Variants in SH3BP2 observed in about 807,000 individuals in gnomAD.
SH3BP2 encodes the protein SH3 domain binding protein 2.
In SH3BP2, 38 loss-of-function variants were observed where a neutral mutation model predicts 56.2. The observed-to-expected ratio is 0.68, with a 90% confidence interval of 0.52 to 0.89. The LOEUF (loss-of-function observed/expected upper bound fraction) is 0.89. Among genes scored for constraint, SH3BP2 ranks in the 40% least tolerant of loss-of-function variants. The pLI is 0.00. For missense variants in SH3BP2, 748 were observed against 762.6 expected, an observed-to-expected ratio of 0.98 and a Z score of 0.23; for synonymous variants, 346 against 316.7, an observed-to-expected ratio of 1.09 and a Z score of -0.98.
intron 5 of SH3BP2, chr4:2,826,869 G>C (rs1230171818): frequency 2.1e-6 from 1 of 481,416 alleles, no homozygotes; most frequent in South Asian, 1.6e-5. Flanking sequence ...TTGTGTCTGT[G>C]TGTCTACATG....
chr4:2,803,589 T>G (rs949267629), intron 1 of SH3BP2, among the ~76,000 whole-genome samples: 1 of 152,070 alleles, frequency 6.6e-6, no homozygotes. Context: ...CAGGCGTGAA[T>G]GGTGCCCAGG....
chr4:2,838,641 A>ATTTTTTTTTTTTTT lies in SH3BP2; in HGVS notation c.*4818_*4819insTTTTTTTTTTTTTT, dbSNP rs397878760. 71 of 148,926 alleles carry ATTTTTTTTTTTTTT rather than the reference A, an allele frequency of 4.8e-4. No individual in the cohort carries two copies. The highest frequency in any genetic ancestry group is 1.7e-3 in the African/African-American group (68 of 40,130). 9.2% of individuals were successfully genotyped at this position (148,926 alleles called of 1,614,324 possible). On this transcript the variant is annotated 3_prime_UTR_variant, in exon 13 of 13. Transcript: ENST00000503393. ...AACATTATAAAGATTTTTGTTTGCG[A>ATTTTTTTTTTTTTT]TTTTTTTTTTTAGCTCATCAGCTAT...
chr4:2,802,473 T>A (rs1723330565), intron 1 of SH3BP2, among the ~76,000 whole-genome samples: 1 of 150,718 alleles, frequency 6.6e-6, no homozygotes, highest in Non-Finnish European at 1.5e-5. Flanking sequence ...TATATGTGTA[T>A]GTGTATATAT....
intron 1 of SH3BP2, among the ~76,000 whole-genome samples, chr4:2,800,704 G>C (rs1013299994): frequency 6.6e-6 from 1 of 152,150 alleles, no homozygotes; most frequent in Non-Finnish European, 1.5e-5. Flanking sequence ...TGTGGTGGTT[G>C]GGGACCCTAA....
intron 1 of SH3BP2, chr4:2,799,223 C>T: frequency 2.0e-6 from 2 of 985,498 alleles, no homozygotes; most frequent in South Asian, 4.7e-5. Context: ...GGGGTGGAAT[C>T]TCTGAAATGC....
Position 2,833,523 on chromosome 4 carries a change from T to C in SH3BP2, c.1549-174T>C, listed in dbSNP as rs556252542. 2.9e-5 allele frequency: 21 copies of C among 736,026 alleles called. 1 individual carries two copies. The East Asian group carries it at 4.0e-4, about 14-fold the overall frequency. The allele number at this position is 736,026 out of a possible 1,614,324, so 45.6% of individuals were successfully genotyped here. On this transcript the variant is annotated intron_variant, in intron 12 of 12. Coordinates refer to ENST00000503393, the MANE Select transcript of SH3BP2 (RefSeq NM_001122681.2). ...ACGGAGGGGAAGTGAGGTGGGAACA[T>C]GGAGAGCACAGGCCTGATGCGGAGG...
intron 1 of SH3BP2, among the ~76,000 whole-genome samples, chr4:2,819,290 G>C (rs980596065): frequency 2.6e-5 from 4 of 152,190 alleles, no homozygotes; most frequent in Non-Finnish European, 4.4e-5. Context: ...TACGATCATA[G>C]ACCACTGCAG....
At chr4:2,824,542 A>G (rs1263807477) in intron 3 of SH3BP2, 71 bp from the exon 4 acceptor site, 28 of 1,145,852 alleles carry the variant, frequency 2.4e-5, no homozygotes, top group African/African-American at 4.5e-5. Flanking sequence ...ACGTGTTCAC[A>G]GGGGGGTGCT....
Position 2,825,190 on chromosome 4 carries a change from A to G in SH3BP2, c.422A>G (p.Asp141Gly). The G allele has an allele frequency of 6.3e-7, 1 of 1,578,304 alleles. No individual in the cohort carries two copies. ...CACGAAAAGAAAGACCTGCCCTTGG[A>G]CACCAGGTGAGCCCGGGCCCAGGGC... ...HFHEKKDLPL[D>G]TSDSSSDTDS... The change falls in exon 5 of 13, where the codon GAC becomes GGC. Residue 141 changes from aspartate (D) to glycine (G), a missense_variant. By Grantham distance (94) the Asp-to-Gly change is moderately conservative. Around this residue, in one of 3 missense-constraint regions of SH3BP2, gnomAD observed 635 missense variants for 615.0 expected, o/e 1.03. Coordinates refer to ENST00000503393, the MANE Select transcript of SH3BP2 (RefSeq NM_001122681.2).
chr4:2,823,354 CT>C (rs1291213126), intron 3 of SH3BP2: 1 of 498,878 alleles, frequency 2.0e-6, no homozygotes. Context: ...TCTCTCCTCC[CT>C]CCCCACCTTG....
At chr4:2,804,695 C>CT (rs1723457151) in intron 1 of SH3BP2, among the ~76,000 whole-genome samples, 1 of 152,218 alleles carries the variant, frequency 6.6e-6, no homozygotes, top group Admixed American at 6.5e-5. Flanking sequence ...GGGCTTCCTT[C>CT]TGAGAGTGGG....
rs1377187388 is a variant in SH3BP2 at position 2,829,507 on chromosome 4, C to T, written c.601C>T (p.Pro201Ser). The change falls in exon 8 of 13, where the codon CCA (proline) becomes TCA (serine). Residue 201 changes from proline (P) to serine (S), a missense_variant. By Grantham distance (74) the Pro-to-Ser change is moderately conservative. Coordinates refer to ENST00000503393, the MANE Select transcript of SH3BP2 (RefSeq NM_001122681.2). This position sits in a 1 kb window ranked among gnomAD's most constrained non-coding sequence, Gnocchi z 4.9. ...PGRLEDALMH[P>S]PAYPPPPVPT... ...TTGCTCTGCAGATGCCCTGATGCACCCACCGGCTTACCCACCACCCCCAGT... is the reference window on the plus strand; with the variant it reads ...TTGCTCTGCAGATGCCCTGATGCACTCACCGGCTTACCCACCACCCCCAGT... 1 of 1,613,650 alleles carries T rather than the reference C, an allele frequency of 6.2e-7. No homozygotes were observed. Among genetic ancestry groups the T allele is most frequent in the Admixed American group, 1.7e-5 (1 of 60,006 alleles).
At chr4:2,821,753 C>A (rs1178905089) in intron 2 of SH3BP2, among the ~76,000 whole-genome samples, 3 of 152,220 alleles carry the variant, frequency 2.0e-5, no homozygotes, top group Non-Finnish European at 4.4e-5. Flanking sequence ...TTATGTTGCC[C>A]AGGCTGGCCT....
At chr4:2,812,549 G>C in intron 1 of SH3BP2, 2 of 1,499,916 alleles carry the variant, frequency 1.3e-6, no homozygotes, top group South Asian at 2.5e-5. Context: ...CCAGTAAGGG[G>C]GCCCCACGTG....
Position 2,834,076 on chromosome 4 carries a change from G to A in SH3BP2, c.*242G>A. On this transcript the variant is annotated 3_prime_UTR_variant, in exon 13 of 13. Coordinates refer to ENST00000503393, the MANE Select transcript of SH3BP2 (RefSeq NM_001122681.2). The stretch of plus-strand genomic sequence containing the variant: ...CTGTTGCCCCACACTAACTTGCCCT[G>A]TCCCAATCCCAGAAACCCAGGACCA... 1.9e-6 allele frequency: 1 copy of A among 533,616 alleles called. No individual in the cohort carries two copies. The highest frequency in any genetic ancestry group is 3.2e-5 in the Admixed American group (1 of 31,238). The allele number at this position is 533,616 out of a possible 1,614,324, so 33.1% of individuals were successfully genotyped here. A position where few individuals can be genotyped will look rare whatever the true frequency, so the allele number is the denominator to read the frequency against.
At position 2,830,049 on chromosome 4, in the gene SH3BP2, G is replaced by A. The variant is rs760144873; in HGVS notation, c.1143G>A (p.Val381=). The A allele has an allele frequency of 4.3e-6, 7 of 1,612,110 alleles. No homozygotes were observed. In the African/African-American group the frequency reaches 6.7e-5, roughly 15 times the overall value. ...TGCCCGGACTCTTTGTGCCCCCCGT[G>A]GCTCCCCGGCCTCCTGCGCTGAAGC... ...AAMPGLFVPP[V]APRPPALKLP... Residue 381 remains valine (V), a synonymous_variant, in exon 8 of 13, where the codon GTG becomes GTA. Transcript: ENST00000503393.
chr4:2,832,155 G>C, intron 10 of SH3BP2, 176 bp from the exon 11 acceptor site: 1 of 945,366 alleles, frequency 1.1e-6, no homozygotes, highest in Non-Finnish European at 1.7e-6. Context: ...TGGCACCCTG[G>C]CTGGCCAGGG....
chr4:2,828,754 T>C (rs988207451), intron 7 of SH3BP2, among the ~76,000 whole-genome samples: 2 of 152,170 alleles, frequency 1.3e-5, no homozygotes, highest in African/African-American at 4.8e-5. Context: ...CCCCGAGACA[T>C]TTCTCGTCCA....
chr4:2,812,504 G>A, intron 1 of SH3BP2: 4 of 1,544,366 alleles, frequency 2.6e-6, no homozygotes, highest in South Asian at 1.2e-5. Context: ...CAGGACTGGG[G>A]CTCGGGAGGC....
Sources: allele counts gnomAD v4.1 joint callset (sites outside exome capture counted in the v4.1 genomes callset), GRCh38; gene constraint gnomAD v4.1.1; regional missense constraint gnomAD v4.1.1; non-coding constraint Gnocchi (gnomAD v3.1); transcripts MANE v1.5; gene names NCBI Gene and HGNC (gene_info 2026-07-23, HGNC 2026-07-21).